ABLIM2: variants seen among roughly 807,000 people sequenced by gnomAD.
ABLIM2 encodes the protein actin binding LIM protein family member 2.
ABLIM2 carries 53 observed loss-of-function variants against 97.7 expected under a neutral mutation model. The observed-to-expected ratio is 0.54, with a 90% CI of 0.44 to 0.68. The LOEUF is 0.68. Among genes scored for constraint, ABLIM2 ranks in the 30% least tolerant of loss-of-function variants. The pLI is 0.00. For missense variants in ABLIM2, 835 were observed against 867.2 expected (o/e 0.96, Z 0.47); for synonymous variants, 361 against 345.8 (o/e 1.04, Z -0.49).
Position 8,120,265 on chromosome 4 carries a change from C to T in ABLIM2, c.11-13628G>A, listed in dbSNP as rs1025859196. Among the ~76,000 whole-genome samples, 8 of 152,286 alleles carry T rather than the reference C, an allele frequency of 5.3e-5. No homozygotes were observed. The highest frequency in any genetic ancestry group is 4.6e-4 in the Admixed American group (7 of 15,304). On this transcript the variant is annotated intron_variant, in intron 1 of 20. Transcript: ENST00000447017. This position sits in a 1 kb window ranked among gnomAD's most constrained non-coding sequence, Gnocchi z 5.6. ...CTGAACCGGGACCCCCAGATGCCCA[C>T]GTTGAAGTCCTAACCCCCGGACCTC... is the stretch of plus-strand genomic sequence containing the variant.
In ABLIM2 at chr4:8,130,663, A is replaced by T. The variant is rs1849227513; in HGVS notation, c.11-24026T>A. Among the ~76,000 whole-genome samples, 1 of 152,146 alleles carries T rather than the reference A, an allele frequency of 6.6e-6. No homozygotes were observed. Among genetic ancestry groups the T allele is most frequent in the Admixed American group, 6.5e-5 (1 of 15,274 alleles). On this transcript the variant is annotated intron_variant, in intron 1 of 20. Transcript: ENST00000447017. The surrounding 1 kb of genome is among the most constrained non-coding windows in gnomAD (Gnocchi z 4.2). ...TGATCTGACCTGGCCTGGAGGGAGC[A>T]GAGGGGCTTCCTGGAGGAGGGGGTA... is the stretch of plus-strand genomic sequence containing the variant.
rs1206942192 is a variant in ABLIM2 at position 7,970,883 on chromosome 4, C to T, written c.1825-3780G>A. Among the ~76,000 whole-genome samples the T allele has an allele frequency of 1.3e-5, 2 of 151,982 alleles. No individual in the cohort carries two copies. The highest frequency in any genetic ancestry group is 2.9e-5 in the Non-Finnish European group (2 of 67,974). On this transcript the variant is annotated intron_variant, in intron 20 of 20. Coordinates refer to ENST00000447017, the MANE Select transcript of ABLIM2 (RefSeq NM_001130083.2). The surrounding 1 kb of genome is among the most constrained non-coding windows in gnomAD (Gnocchi z 5.3). ...CTGGGCCAGGCCACTCGTATGTGGC[C>T]TACAGGGCCCAGGACTTGGGGCCAG...
rs553716165 is a variant in ABLIM2 at position 8,095,775 on chromosome 4, C to T, written c.338+1324G>A. 3.9e-5 allele frequency among the ~76,000 whole-genome samples: 6 copies of T among 152,210 alleles called. No homozygotes were observed. The East Asian group carries it at 5.8e-4, about 15-fold the overall frequency. On this transcript the variant is annotated intron_variant, in intron 3 of 20. Coordinates refer to ENST00000447017, the MANE Select transcript of ABLIM2 (RefSeq NM_001130083.2). The surrounding 1 kb of genome is among the most constrained non-coding windows in gnomAD (Gnocchi z 4.7). Reference sequence around the variant, plus strand: ...GCTGTTTTGTCTTCTGGATGAGACGCGACCTTTTGGTGTCCACACTGCATG... The same window carrying T: ...GCTGTTTTGTCTTCTGGATGAGACGTGACCTTTTGGTGTCCACACTGCATG...
rs144570752 is a variant in ABLIM2, at chr4:8,003,169, C to A, written c.1618+4890G>T. Among the ~76,000 whole-genome samples, 30 of 152,288 alleles carry A rather than the reference C, an allele frequency of 2.0e-4. No homozygotes were observed. The highest frequency in any genetic ancestry group is 7.0e-4 in the African/African-American group (29 of 41,560). ...CACGGGCTCATCATATCCCATAAAC[C>A]CAGTAAGATGAGAAGATCAAAAGTC... On this transcript the variant is annotated intron_variant, in intron 16 of 20. Transcript: ENST00000447017. The surrounding 1 kb of genome is among the most constrained non-coding windows in gnomAD (Gnocchi z 4.2).
chr4:8,007,625 G>A (rs535666844), intron 16 of ABLIM2: 599 of 992,548 alleles, frequency 6.0e-4, no homozygotes, highest in South Asian at 7.5e-4. Flanking sequence ...GCTGTGCCTC[G>A]TTCAGGATGA....
Position 8,146,049 on chromosome 4 carries a change from A to G in ABLIM2, c.10+12631T>C, listed in dbSNP as rs115055784. ...AAGGAAAATTGCCCATGATCCTAGC[A>G]CATTTTTTTTCTGAGATGTTTTTCT... is the stretch of plus-strand genomic sequence containing the variant. On this transcript the variant is annotated intron_variant, in intron 1 of 20. Coordinates refer to ENST00000447017, the MANE Select transcript of ABLIM2 (RefSeq NM_001130083.2). Among the ~76,000 whole-genome samples, 666 of 152,354 alleles carry G rather than the reference A, an allele frequency of 4.4e-3. 4 individuals carry two copies. The highest frequency in any genetic ancestry group is 0.015 in the African/African-American group (635 of 41,592).
In ABLIM2 at chr4:8,088,268, C is replaced by CGG; in HGVS notation, c.353_354dup (p.Gly119ProfsTer5). The CGG allele has an allele frequency of 6.2e-7, 1 of 1,607,482 alleles. No homozygotes were observed. Among genetic ancestry groups the CGG allele is most frequent in the Non-Finnish European group, 8.5e-7 (1 of 1,175,538 alleles). On this transcript the variant is annotated frameshift_variant, in exon 4 of 21. Coordinates refer to ENST00000447017, the MANE Select transcript of ABLIM2 (RefSeq NM_001130083.2). LOFTEE classifies it high-confidence loss of function. ...TTCCCGTTGAAGGTCACTCGGTCCCCGGGGGGGAAGGGCAGCCTGAAACAA... is the reference window on the plus strand; with the variant it reads ...TTCCCGTTGAAGGTCACTCGGTCCCCGGGGGGGGGAAGGGCAGCCTGAAACAA...
At chr4:8,060,368 G>A (rs553201651) in intron 7 of ABLIM2, among the ~76,000 whole-genome samples, 8 of 152,296 alleles carry the variant, frequency 5.3e-5, no homozygotes, top group African/African-American at 1.9e-4. Context: ...TTTTAATGGT[G>A]AGGGGGCCTG....
At chr4:8,084,282 G>A (rs572110873) in intron 4 of ABLIM2, among the ~76,000 whole-genome samples, 1 of 152,134 alleles carries the variant, frequency 6.6e-6, no homozygotes, top group East Asian at 1.9e-4. Flanking sequence ...AGAGCGGGAC[G>A]GGGGCTCCTG....
rs1284905558 is a variant in ABLIM2 at position 8,010,414 on chromosome 4, G to A, written c.1424-1312C>T. The A allele has an allele frequency of 9.1e-6, 9 of 985,784 alleles. No individual in the cohort carries two copies. In the East Asian group the frequency reaches 4.5e-4, roughly 50 times the overall value. The allele number at this position is 985,784 out of a possible 1,614,324, so 61.1% of individuals were successfully genotyped here. A position where few individuals can be genotyped will look rare whatever the true frequency, so the allele number is the denominator to read the frequency against. Reference sequence around the variant, plus strand: ...ACCCAGGCCTCAGGAAGGACACGCCGAGGTGGGCTTCTTACCTGCAGCGGG... The same window carrying A: ...ACCCAGGCCTCAGGAAGGACACGCCAAGGTGGGCTTCTTACCTGCAGCGGG... On this transcript the variant is annotated intron_variant, in intron 14 of 20. Coordinates refer to ENST00000447017, the MANE Select transcript of ABLIM2 (RefSeq NM_001130083.2).
chr4:8,120,018 A>G lies in ABLIM2; in HGVS notation c.11-13381T>C, dbSNP rs555421498. 1.1e-4 allele frequency among the ~76,000 whole-genome samples: 17 copies of G among 152,264 alleles called. No individual in the cohort carries two copies. The highest frequency in any genetic ancestry group is 4.1e-4 in the African/African-American group (17 of 41,570). ...TATTTTGAGGCAGGGGTCCATGAGG[A>G]CAAAGTCACTCTTGGCCACAAATAG... is the stretch of plus-strand genomic sequence containing the variant. On this transcript the variant is annotated intron_variant, in intron 1 of 20. Transcript: ENST00000447017. This position sits in a 1 kb window ranked among gnomAD's most constrained non-coding sequence, Gnocchi z 5.6.
At chr4:8,099,351 C>T (rs966388144) in intron 2 of ABLIM2, among the ~76,000 whole-genome samples, 1 of 152,174 alleles carries the variant, frequency 6.6e-6, no homozygotes, top group Non-Finnish European at 1.5e-5. Context: ...TTTCTCTATT[C>T]TTCTTAAAGA....
At chr4:8,100,320 G>A (rs1253267528) in intron 2 of ABLIM2, among the ~76,000 whole-genome samples, 3 of 152,232 alleles carry the variant, frequency 2.0e-5, no homozygotes, top group South Asian at 4.2e-4. Context: ...AGGCAGCCTG[G>A]GCTTGAGTCC....
At position 8,003,088 on chromosome 4, in the gene ABLIM2, C is replaced by A. The variant is rs2150249908; in HGVS notation, c.1618+4971G>T. Among the ~76,000 whole-genome samples the A allele has an allele frequency of 6.6e-6, 1 of 152,344 alleles. No homozygotes were observed. The highest frequency in any genetic ancestry group is 2.1e-4 in the South Asian group (1 of 4,828). ...TCTGCTCTGTCCCCAGCACCCAGGA[C>A]AGCACCGGAACACACCAAGCACTCA... On this transcript the variant is annotated intron_variant, in intron 16 of 20. Transcript: ENST00000447017. This position sits in a 1 kb window ranked among gnomAD's most constrained non-coding sequence, Gnocchi z 4.2.
chr4:8,008,269 C>G, intron 15 of ABLIM2, 69 bp from the exon 16 acceptor site: 1 of 1,477,064 alleles, frequency 6.8e-7, no homozygotes, highest in Non-Finnish European at 9.3e-7. Flanking sequence ...CTCACTGGAC[C>G]CTTCTTGTAG....
chr4:8,128,343 C>A lies in ABLIM2; in HGVS notation c.11-21706G>T, dbSNP rs1218841357. The stretch of plus-strand genomic sequence containing the variant: ...ATTCAGAGCTTCCAGGTGGGTGGGG[C>A]CACAAGAAGACGTGTCTCTATCTAG... On this transcript the variant is annotated intron_variant, in intron 1 of 20. Coordinates refer to ENST00000447017, the MANE Select transcript of ABLIM2 (RefSeq NM_001130083.2). The surrounding 1 kb of genome is among the most constrained non-coding windows in gnomAD (Gnocchi z 4.9). Among the ~76,000 whole-genome samples, 1 of 152,158 alleles carries A rather than the reference C, an allele frequency of 6.6e-6. No homozygotes were observed. Among genetic ancestry groups the A allele is most frequent in the African/African-American group, 2.4e-5 (1 of 41,426 alleles).
chr4:7,975,551 A>G (rs964905923), intron 20 of ABLIM2, among the ~76,000 whole-genome samples: 1 of 152,182 alleles, frequency 6.6e-6, no homozygotes, highest in African/African-American at 2.4e-5. Flanking sequence ...TGTTAATCAC[A>G]TCTGCCCACA....
chr4:8,089,287 C>G (rs1307037342), intron 3 of ABLIM2, among the ~76,000 whole-genome samples: 1 of 152,158 alleles, frequency 6.6e-6, no homozygotes, highest in Non-Finnish European at 1.5e-5. Flanking sequence ...AGAAGCACAG[C>G]CTGAGAATGC....
Position 8,150,579 on chromosome 4 carries a change from A to G in ABLIM2, c.10+8101T>C, listed in dbSNP as rs1712316292. ...TAAGCACAGAGAAACCAAAGTCCCAAACTTCCAGCACAGGGTGCGAGCTCC... is the reference window on the plus strand; with the variant it reads ...TAAGCACAGAGAAACCAAAGTCCCAGACTTCCAGCACAGGGTGCGAGCTCC... On this transcript the variant is annotated intron_variant, in intron 1 of 20. Transcript: ENST00000447017. The surrounding 1 kb of genome is among the most constrained non-coding windows in gnomAD (Gnocchi z 6.3). 6.6e-6 allele frequency among the ~76,000 whole-genome samples: 1 copy of G among 152,196 alleles called. No homozygotes were observed. The highest frequency in any genetic ancestry group is 2.4e-5 in the African/African-American group (1 of 41,444).
Sources: allele counts gnomAD v4.1 joint callset (sites outside exome capture counted in the v4.1 genomes callset), GRCh38; gene constraint gnomAD v4.1.1; non-coding constraint Gnocchi (gnomAD v3.1); transcripts MANE v1.5; gene names NCBI Gene and HGNC (gene_info 2026-07-23, HGNC 2026-07-21).